FGF12: variants seen among roughly 807,000 people sequenced by gnomAD.
The protein encoded by FGF12 is fibroblast growth factor 12, also known as fibroblast growth factor 12B.
In FGF12, 14 loss-of-function variants were observed where a neutral mutation model predicts 23.6. The observed-to-expected ratio is 0.59, with a 90% CI of 0.39 to 0.93. The LOEUF (loss-of-function observed/expected upper bound fraction) is 0.93, where lower values mean the gene tolerates loss of function less well. FGF12 is among the 40% of genes least tolerant of loss of function. FGF12 has a pLI of 0.00. For missense variants in FGF12, 175 were observed against 217.8 expected, an observed-to-expected ratio of 0.80 and a Z score of 1.24; for synonymous variants, 62 against 77.3, an observed-to-expected ratio of 0.80 and a Z score of 1.04.
chr3:192,601,388 AT>A (rs1167022043), intron 2 of FGF12, among the ~76,000 whole-genome samples: 1 of 152,092 alleles, frequency 6.6e-6, no homozygotes, highest in Non-Finnish European at 1.5e-5. Context: ...CTGTAGTGTG[AT>A]TATAGTTAAT....
intron 4 of FGF12, among the ~76,000 whole-genome samples, chr3:192,290,913 T>A (rs1402827856): frequency 6.6e-6 from 1 of 152,148 alleles, no homozygotes; most frequent in African/African-American, 2.4e-5. Context: ...ATACAAAAAA[T>A]ATGTATATAA....
chr3:192,183,186 A>T (rs1006692867), intron 4 of FGF12, among the ~76,000 whole-genome samples: 2 of 149,988 alleles, frequency 1.3e-5, no homozygotes, highest in African/African-American at 4.9e-5. Flanking sequence ...GAGAGCATGT[A>T]AGATTTTTTT....
chr3:192,535,294 T>C (rs973909176), intron 2 of FGF12, among the ~76,000 whole-genome samples: 4 of 152,212 alleles, frequency 2.6e-5, no homozygotes, highest in African/African-American at 9.6e-5. Flanking sequence ...CACCTAGTCT[T>C]TCATCCATAT....
At chr3:192,457,470 A>G (rs1417649833) in intron 2 of FGF12, among the ~76,000 whole-genome samples, 1 of 152,186 alleles carries the variant, frequency 6.6e-6, no homozygotes, top group Non-Finnish European at 1.5e-5. Flanking sequence ...GAGATGAGGA[A>G]CTTGTTGGGA....
chr3:192,294,740 A>T (rs898121658), intron 4 of FGF12, among the ~76,000 whole-genome samples: 1 of 152,238 alleles, frequency 6.6e-6, no homozygotes, highest in African/African-American at 2.4e-5. Context: ...CTATAACATA[A>T]AATAAAAGAT....
intron 4 of FGF12, among the ~76,000 whole-genome samples, chr3:192,223,444 A>T (rs1317114797): frequency 3.9e-5 from 6 of 152,202 alleles, no homozygotes; most frequent in African/African-American, 1.4e-4. Context: ...ATAAAGGGCA[A>T]TTATTTCTAT....
intron 2 of FGF12, among the ~76,000 whole-genome samples, chr3:192,584,445 A>G (rs762647144): frequency 3.9e-5 from 6 of 152,016 alleles, no homozygotes; most frequent in South Asian, 2.1e-4. Flanking sequence ...AGATACACTG[A>G]GGCCTTATCT....
chr3:192,219,623 C>T (rs952014098), intron 4 of FGF12, among the ~76,000 whole-genome samples: 6 of 150,614 alleles, frequency 4.0e-5, no homozygotes, highest in African/African-American at 7.3e-5. Flanking sequence ...ACTAACAGCA[C>T]CAACATCACC....
At chr3:192,392,631 A>C (rs1295197397) in intron 2 of FGF12, among the ~76,000 whole-genome samples, 1 of 85,814 alleles carries the variant, frequency 1.2e-5, no homozygotes. Flanking sequence ...AGAGAGAGAG[A>C]GAGGAAGGGA....
At chr3:192,615,170 T>C (rs1285726601) in intron 2 of FGF12, among the ~76,000 whole-genome samples, 1 of 151,938 alleles carries the variant, frequency 6.6e-6, no homozygotes, top group Non-Finnish European at 1.5e-5. Flanking sequence ...TTTCCTTTTA[T>C]GACAGGAAGA....
At chr3:192,331,720 AT>A (rs766711986) in intron 4 of FGF12, among the ~76,000 whole-genome samples, 1 of 152,106 alleles carries the variant, frequency 6.6e-6, no homozygotes, top group South Asian at 2.1e-4. Flanking sequence ...CTATTGTTCA[AT>A]GGGTATACAG....
chr3:192,703,990 C>A (rs891629537), intron 2 of FGF12, among the ~76,000 whole-genome samples: 3 of 152,152 alleles, frequency 2.0e-5, no homozygotes, highest in Admixed American at 2.0e-4. Context: ...TAGACATAAG[C>A]CAAAGTCTTG....
chr3:192,392,911 C>T (rs1720369417), intron 2 of FGF12, among the ~76,000 whole-genome samples: 1 of 152,138 alleles, frequency 6.6e-6, no homozygotes, highest in East Asian at 1.9e-4. Flanking sequence ...AATATGAAGA[C>T]TCTGTGATTA....
chr3:192,179,604 G>T (rs1336314849), intron 4 of FGF12, among the ~76,000 whole-genome samples: 1 of 150,726 alleles, frequency 6.6e-6, no homozygotes, highest in South Asian at 2.1e-4. Context: ...GGAGTACAGC[G>T]GCACAATCTT....
rs1381415366 is a variant in FGF12, at chr3:192,641,202, T to A, written c.13+85979A>T. ...CTCACTGCAAGCTCCGCCTCCCGGG[T>A]TCACGCCATTCTCCTGCCTCAGCCT... On this transcript the variant is annotated intron_variant, in intron 2 of 5. Coordinates refer to ENST00000445105, the MANE Select transcript of FGF12 (RefSeq NM_004113.6). Among the ~76,000 whole-genome samples, 3 of 80,722 alleles carry A rather than the reference T, an allele frequency of 3.7e-5. 1 individual carries two copies. Among genetic ancestry groups the A allele is most frequent in the Admixed American group, 3.3e-4 (3 of 9,054 alleles). 53.0% of individuals were successfully genotyped at this position (80,722 alleles called of 152,430 possible).
chr3:192,272,997 T>A (rs1287711559), intron 4 of FGF12, among the ~76,000 whole-genome samples: 1 of 152,160 alleles, frequency 6.6e-6, no homozygotes, highest in African/African-American at 2.4e-5. Context: ...ATTTTTAGAA[T>A]CAGTTTTGCA....
At chr3:192,528,441 T>C (rs1488651309) in intron 2 of FGF12, among the ~76,000 whole-genome samples, 1 of 152,150 alleles carries the variant, frequency 6.6e-6, no homozygotes, top group Non-Finnish European at 1.5e-5. Context: ...GTAGAGCCTC[T>C]CTCTCAGTTG....
intron 2 of FGF12, among the ~76,000 whole-genome samples, chr3:192,597,173 A>T (rs1713891973): frequency 1.3e-5 from 2 of 152,118 alleles, no homozygotes; most frequent in Non-Finnish European, 2.9e-5. Flanking sequence ...TCCTACCCTA[A>T]CTTATTGGAA....
chr3:192,324,485 C>T (rs1716714352), intron 4 of FGF12, among the ~76,000 whole-genome samples: 3 of 152,194 alleles, frequency 2.0e-5, no homozygotes, highest in Admixed American at 6.5e-5. Flanking sequence ...ACATAATATA[C>T]ACTGCCCTAG....
Sources: gnomAD v4.1 joint callset for allele counts (sites outside exome capture counted in the v4.1 genomes callset) on GRCh38, gnomAD v4.1.1 for gene constraint, MANE v1.5 for transcripts, NCBI Gene and HGNC (gene_info 2026-07-23, HGNC 2026-07-21) for gene names.